Variants in LOXL2 observed in about 807,000 individuals in gnomAD.
LOXL2 encodes lysyl oxidase homolog 2.
A neutral mutation model predicts 93.0 loss-of-function variants in LOXL2; 70 were observed. That is an observed-to-expected ratio of 0.75 (90% CI 0.62 to 0.92). The LOEUF (loss-of-function observed/expected upper bound fraction) is 0.92. Ranked by LOEUF, LOXL2 falls within the 40% of genes least tolerant of loss-of-function variation. The pLI is 0.00. For synonymous variants in LOXL2, 438 were observed against 413.2 expected, an observed-to-expected ratio of 1.06 and a Z score of -0.73; for missense variants, 973 against 1,054.9, an observed-to-expected ratio of 0.92 and a Z score of 1.08.
At chr8:23,372,815 T>C (rs1295346238) in intron 1 of LOXL2, among the ~76,000 whole-genome samples, 1 of 152,128 alleles carries the variant, frequency 6.6e-6, no homozygotes, top group Non-Finnish European at 1.5e-5. Flanking sequence ...TTTACACACC[T>C]CTGTCAGTAA....
chr8:23,316,456 C>T (rs1324841609), intron 9 of LOXL2, among the ~76,000 whole-genome samples: 1 of 152,132 alleles, frequency 6.6e-6, no homozygotes, highest in Admixed American at 6.5e-5. Context: ...AGGGAGGCTT[C>T]AGGAAGTGGG....
In LOXL2 at chr8:23,320,083, A is replaced by G. The variant is rs766937280; in HGVS notation, c.1303-31T>C. 2.5e-6 allele frequency: 4 copies of G among 1,610,576 alleles called. No homozygotes were observed. In the East Asian group the frequency reaches 8.9e-5, roughly 36 times the overall value. On this transcript the variant is annotated intron_variant, in intron 7 of 13. Transcript: ENST00000389131. The stretch of plus-strand genomic sequence containing the variant: ...GACACAAAGGCAGGCCACGGTCACC[A>G]AGAGGGACAAGGGAGCTTCCCCCCT...
chr8:23,354,089 T>C (rs953877145), intron 3 of LOXL2, among the ~76,000 whole-genome samples: 1 of 152,210 alleles, frequency 6.6e-6, no homozygotes, highest in African/African-American at 2.4e-5. Context: ...CTCCAGGGCT[T>C]AGTGACTCAT....
intron 6 of LOXL2, among the ~76,000 whole-genome samples, chr8:23,325,992 G>C (rs1486302632): frequency 6.6e-6 from 1 of 152,236 alleles, no homozygotes; most frequent in East Asian, 1.9e-4. Context: ...AAGCAAGCAG[G>C]TGGCTGGGCA....
At position 23,390,935 on chromosome 8, in the gene LOXL2, G is replaced by GAAGGTGA. The variant is rs567598773; in HGVS notation, c.-84+13012_-84+13018dup. Among the ~76,000 whole-genome samples, 1,186 of 152,194 alleles carry GAAGGTGA rather than the reference G, an allele frequency of 7.8e-3. 11 individuals are homozygous for GAAGGTGA. The highest frequency in any genetic ancestry group is 9.0e-3 in the Non-Finnish European group (611 of 68,000). On this transcript the variant is annotated intron_variant, in intron 1 of 13. Coordinates refer to ENST00000389131, the MANE Select transcript of LOXL2 (RefSeq NM_002318.3). ...CTGGGGAGGCCTCACAATCATGGTGGAAGGTGAAAGGTGAAAGGTGAAAGG... is the reference window on the plus strand; with the variant it reads ...CTGGGGAGGCCTCACAATCATGGTGGAAGGTGAAAGGTGAAAGGTGAAAGGTGAAAGG...
chr8:23,323,536 A>G (rs1406211148), intron 6 of LOXL2, among the ~76,000 whole-genome samples: 2 of 152,202 alleles, frequency 1.3e-5, no homozygotes, highest in Non-Finnish European at 2.9e-5. Context: ...CTTTTTACAC[A>G]TCTTGCTCAA....
chr8:23,362,844 G>C (rs376031192), intron 2 of LOXL2, among the ~76,000 whole-genome samples: 1 of 152,054 alleles, frequency 6.6e-6, no homozygotes, highest in Non-Finnish European at 1.5e-5. Flanking sequence ...ATTTTTATAA[G>C]TGCCACTGCA....
At chr8:23,400,407 A>T (rs933615508) in intron 1 of LOXL2, among the ~76,000 whole-genome samples, 1 of 151,438 alleles carries the variant, frequency 6.6e-6, no homozygotes, top group African/African-American at 2.4e-5. Flanking sequence ...ACCATATCTC[A>T]CGAGATTTAC....
At chr8:23,350,864 G>C (rs1474310957) in intron 3 of LOXL2, among the ~76,000 whole-genome samples, 1 of 152,148 alleles carries the variant, frequency 6.6e-6, no homozygotes, top group East Asian at 1.9e-4. Context: ...TGCTTTTTTG[G>C]AGAACGGGCA....
At chr8:23,399,319 G>C (rs1188264547) in intron 1 of LOXL2, among the ~76,000 whole-genome samples, 1 of 152,140 alleles carries the variant, frequency 6.6e-6, no homozygotes, top group Non-Finnish European at 1.5e-5. Flanking sequence ...CATATCTCCT[G>C]CTGTGGTTTG....
intron 4 of LOXL2, among the ~76,000 whole-genome samples, chr8:23,334,691 A>G (rs561009416): frequency 5.6e-4 from 84 of 150,768 alleles, no homozygotes; most frequent in African/African-American, 2.0e-3. Context: ...TTTTTTTTCT[A>G]AAACAGTAAC....
chr8:23,391,049 T>A (rs1276913660), intron 1 of LOXL2, among the ~76,000 whole-genome samples: 2 of 152,122 alleles, frequency 1.3e-5, no homozygotes, highest in East Asian at 3.9e-4. Context: ...TCAGCTCTTG[T>A]GAGACTTATT....
Position 23,309,957 on chromosome 8 carries a change from C to T in LOXL2, c.1637-46G>A, listed in dbSNP as rs376716487. On this transcript the variant is annotated intron_variant, in intron 9 of 13. Coordinates refer to ENST00000389131, the MANE Select transcript of LOXL2 (RefSeq NM_002318.3). ...GTCAACAAGGCAAGAGACCCCTCCC[C>T]AGGGCTTCTACTTCTGATTCTTGAG... 5.7e-6 allele frequency: 8 copies of T among 1,411,514 alleles called. No individual in the cohort carries two copies. In the East Asian group the frequency reaches 1.1e-4, roughly 19 times the overall value. 87.4% of individuals were successfully genotyped at this position (1,411,514 alleles called of 1,614,324 possible). A position where few individuals can be genotyped will look rare whatever the true frequency, so the allele number is the denominator to read the frequency against.
chr8:23,323,863 A>G (rs4501584), intron 6 of LOXL2, among the ~76,000 whole-genome samples: 110,268 of 151,912 alleles, frequency 0.73, 40,178 homozygotes, highest in Non-Finnish European at 0.76. Flanking sequence ...CACCATGCCC[A>G]GCTAATTTTT....
intron 4 of LOXL2, among the ~76,000 whole-genome samples, 190 bp downstream of exon 4, chr8:23,340,802 A>T (rs1366258955): frequency 6.6e-6 from 1 of 152,184 alleles, no homozygotes; most frequent in African/African-American, 2.4e-5. Context: ...CTTAAGGGTA[A>T]GGATGCCACG....
At chr8:23,400,291 T>C (rs1219053313) in intron 1 of LOXL2, among the ~76,000 whole-genome samples, 1 of 152,172 alleles carries the variant, frequency 6.6e-6, no homozygotes, top group East Asian at 1.9e-4. Context: ...CAATGCCACA[T>C]GGCTGGGGAG....
intron 5 of LOXL2, among the ~76,000 whole-genome samples, chr8:23,332,374 C>A (rs1803701674): frequency 7.5e-6 from 1 of 133,194 alleles, no homozygotes. Context: ...CACACACACC[C>A]CACATACACA....
intron 1 of LOXL2, among the ~76,000 whole-genome samples, chr8:23,401,295 C>A (rs1054387872): frequency 1.3e-5 from 2 of 152,134 alleles, no homozygotes; most frequent in Non-Finnish European, 2.9e-5. Flanking sequence ...TTACACAAAT[C>A]AACAGAACTC....
chr8:23,394,043 G>T (rs1800055019), intron 1 of LOXL2, among the ~76,000 whole-genome samples: 1 of 152,176 alleles, frequency 6.6e-6, no homozygotes, highest in Non-Finnish European at 1.5e-5. Context: ...TCATATATCT[G>T]CAATGGTCTA....
Sources: gnomAD v4.1 joint callset for allele counts (sites outside exome capture counted in the v4.1 genomes callset) on GRCh38, gnomAD v4.1.1 for gene constraint, MANE v1.5 for transcripts, NCBI Gene and HGNC (gene_info 2026-07-23, HGNC 2026-07-21) for gene names.